Variants in UBE2V2 observed in about 807,000 individuals in gnomAD.
The protein encoded by UBE2V2 is ubiquitin conjugating enzyme E2 V2.
Under a neutral mutation model 17.2 loss-of-function variants are expected in UBE2V2, and 9 were observed. The ratio of observed to expected loss-of-function variants is 0.52; its 90% CI spans 0.32 to 0.91. UBE2V2 has a LOEUF of 0.91. Among genes scored for constraint, UBE2V2 ranks in the 40% least tolerant of loss-of-function variants. The pLI is 0.04. For missense variants in UBE2V2, 133 were observed against 182.6 expected (o/e 0.73, Z 1.56); for synonymous variants, 61 against 57.5 (o/e 1.06, Z -0.28).
chr8:48,056,638 C>T (rs768743948), intron 3 of UBE2V2, among the ~76,000 whole-genome samples: 28 of 152,206 alleles, frequency 1.8e-4, no homozygotes, highest in African/African-American at 3.9e-4. Context: ...GAGATCCACC[C>T]GCCTATCTCT....
At chr8:48,046,942 CTT>C (rs771280050) in intron 2 of UBE2V2, among the ~76,000 whole-genome samples, 17 of 139,698 alleles carry the variant, frequency 1.2e-4, no homozygotes, top group Admixed American at 1.4e-4. Flanking sequence ...TAAGGTCCCT[CTT>C]TTTTTTTTTT....
chr8:48,057,311 TA>T (rs1349851505), intron 3 of UBE2V2, among the ~76,000 whole-genome samples: 4 of 152,138 alleles, frequency 2.6e-5, no homozygotes, highest in Non-Finnish European at 4.4e-5. Flanking sequence ...TTTATTTATT[TA>T]TTTTTTTGAG....
rs974738322 is a variant in UBE2V2, at chr8:48,063,140, C to G, written c.*2312C>G. 3 of 152,200 alleles carry G rather than the reference C, an allele frequency of 2.0e-5. No homozygotes were observed. Among genetic ancestry groups the G allele is most frequent in the Admixed American group, 2.0e-4 (3 of 15,264 alleles). 9.4% of individuals were successfully genotyped at this position (152,200 alleles called of 1,614,324 possible). On this transcript the variant is annotated 3_prime_UTR_variant, in exon 4 of 4. Coordinates refer to ENST00000523111, the MANE Select transcript of UBE2V2 (RefSeq NM_003350.3). Reference sequence around the variant, plus strand: ...CCCAAATCCACCATTGTGAAGTTGCCAACCCCCTGCCGCCTTCCCCTGCCA... The same window carrying G: ...CCCAAATCCACCATTGTGAAGTTGCGAACCCCCTGCCGCCTTCCCCTGCCA...
At chr8:48,000,655 A>C in the UBE2V2 span, among the ~76,000 whole-genome samples, 13 of 151,818 alleles carry the variant, frequency 8.6e-5, no homozygotes, top group Non-Finnish European at 1.6e-4. Context: ...CCCTGTCTCT[A>C]CTAAAAATAC....
chr8:48,056,430 A>G (rs2091572124), intron 3 of UBE2V2, among the ~76,000 whole-genome samples: 1 of 152,196 alleles, frequency 6.6e-6, no homozygotes, highest in African/African-American at 2.4e-5. Context: ...CTGTCAAGAC[A>G]GTTTTCTAAA....
intron 3 of UBE2V2, among the ~76,000 whole-genome samples, chr8:48,053,494 G>T (rs2091552657): frequency 6.7e-6 from 1 of 150,184 alleles, no homozygotes; most frequent in East Asian, 2.0e-4. Flanking sequence ...CGCGATCTTG[G>T]CTCACTGCAA....
At chr8:48,043,236 T>G in intron 2 of UBE2V2, 55 bp downstream of exon 2, 1 of 1,266,236 alleles carries the variant, frequency 7.9e-7, no homozygotes. Context: ...AAGTTAGCAT[T>G]TAATTTTATA....
chr8:48,059,011 A>G (rs1197276315), intron 3 of UBE2V2, among the ~76,000 whole-genome samples: 2 of 151,948 alleles, frequency 1.3e-5, no homozygotes, highest in East Asian at 1.9e-4. Flanking sequence ...GATGCAAACA[A>G]TTATCCTGCC....
intron 1 of UBE2V2, among the ~76,000 whole-genome samples, chr8:48,013,919 T>C (rs1054633828): frequency 6.6e-6 from 1 of 152,198 alleles, no homozygotes; most frequent in Non-Finnish European, 1.5e-5. Flanking sequence ...ACATTGCTTT[T>C]CCCATCCCAT....
intron 3 of UBE2V2, among the ~76,000 whole-genome samples, chr8:48,051,622 A>C (rs983992804): frequency 2.6e-5 from 4 of 152,156 alleles, no homozygotes; most frequent in African/African-American, 9.7e-5. Flanking sequence ...CCTGGCTCCC[A>C]TGCTTCCCAG....
rs1391659696 is a variant in UBE2V2 at position 48,063,562 on chromosome 8, A to C, written c.*2734A>C. ...AAGAAACTTCTTGTCCTGTTAGGTC[A>C]GTGTTATGATTTAATGGTTTTAATT... is the stretch of plus-strand genomic sequence containing the variant. On this transcript the variant is annotated 3_prime_UTR_variant, in exon 4 of 4. Transcript: ENST00000523111. The C allele has an allele frequency of 6.6e-6, 1 of 152,212 alleles. No individual in the cohort carries two copies. The highest frequency in any genetic ancestry group is 1.5e-5 in the Non-Finnish European group (1 of 68,032). The allele number at this position is 152,212 out of a possible 1,614,324, so 9.4% of individuals were successfully genotyped here.
At chr8:48,018,952 C>A (rs999425247) in intron 1 of UBE2V2, among the ~76,000 whole-genome samples, 5 of 151,970 alleles carry the variant, frequency 3.3e-5, no homozygotes, top group African/African-American at 1.2e-4. Flanking sequence ...TATTGGGGGC[C>A]AGGCATAGTG....
intron 1 of UBE2V2, chr8:48,042,810 C>T (rs1490718552): frequency 6.2e-5 from 22 of 356,586 alleles, no homozygotes; most frequent in African/African-American, 2.1e-4. Flanking sequence ...TTTATATACA[C>T]GTTGTATACT....
At chr8:48,038,687 G>T (rs542279005) in intron 1 of UBE2V2, among the ~76,000 whole-genome samples, 1 of 151,964 alleles carries the variant, frequency 6.6e-6, no homozygotes, top group Non-Finnish European at 1.5e-5. Flanking sequence ...CACCATGTTG[G>T]CCAGGCTGGT....
upstream of UBE2V2, among the ~76,000 whole-genome samples, chr8:48,004,104 T>G (rs1255811087): frequency 6.6e-6 from 1 of 152,168 alleles, no homozygotes; most frequent in African/African-American, 2.4e-5. Context: ...CTGCTGAACT[T>G]GGATATGGTC....
At position 48,061,587 on chromosome 8, in the gene UBE2V2, A is replaced by G. The variant is rs1192395855; in HGVS notation, c.*759A>G. On this transcript the variant is annotated 3_prime_UTR_variant, in exon 4 of 4. Coordinates refer to ENST00000523111, the MANE Select transcript of UBE2V2 (RefSeq NM_003350.3). ...TGTCCTCAGAGACTGTGCCATTTCT[A>G]TTATGTTGATGTATATGTACAGTAC... 3 of 152,634 alleles carry G rather than the reference A, an allele frequency of 2.0e-5. No individual in the cohort carries two copies. The allele number at this position is 152,634 out of a possible 1,614,324, so 9.5% of individuals were successfully genotyped here. A position where few individuals can be genotyped will look rare whatever the true frequency, so the allele number is the denominator to read the frequency against.
chr8:48,046,541 G>A (rs544257179), intron 2 of UBE2V2, among the ~76,000 whole-genome samples: 10 of 152,150 alleles, frequency 6.6e-5, no homozygotes, highest in African/African-American at 1.9e-4. Flanking sequence ...GGCGTGAGCC[G>A]CCGTGCCCGG....
chr8:47,997,968 G>C, the UBE2V2 span, among the ~76,000 whole-genome samples: 1 of 151,966 alleles, frequency 6.6e-6, no homozygotes, highest in African/African-American at 2.4e-5. Flanking sequence ...GTGGAGTTTG[G>C]AGCGGGCGAG....
chr8:48,046,447 T>G (rs1237146396), intron 2 of UBE2V2, among the ~76,000 whole-genome samples: 12 of 152,066 alleles, frequency 7.9e-5, no homozygotes, highest in Admixed American at 7.9e-4. Flanking sequence ...GGGACAGGGT[T>G]TCTCCATGTT....
Sources: gnomAD v4.1 joint callset for allele counts (sites outside exome capture counted in the v4.1 genomes callset) on GRCh38, gnomAD v4.1.1 for gene constraint, MANE v1.5 for transcripts, NCBI Gene and HGNC (gene_info 2026-07-23, HGNC 2026-07-21) for gene names.